Variants in LARP4B observed in about 807,000 individuals in gnomAD.
LARP4B encodes La ribonucleoprotein 4B.
LARP4B carries 12 observed loss-of-function variants against 89.8 expected under a neutral mutation model. That is an observed-to-expected ratio of 0.13 (90% CI 0.09 to 0.22). The LOEUF is 0.22. Among genes scored for constraint, LARP4B ranks in the 10% least tolerant of loss-of-function variants. LARP4B has a pLI of 1.00. For missense variants in LARP4B, 757 were observed against 947.7 expected, an observed-to-expected ratio of 0.80 and a Z score of 2.64; for synonymous variants, 367 against 363.3, an observed-to-expected ratio of 1.01 and a Z score of -0.12.
upstream of LARP4B, chr10:933,265 T>C (rs1935369207): frequency 6.6e-6 from 1 of 152,254 alleles, no homozygotes; most frequent in South Asian, 2.1e-4. Context: ...TGGTTAACCG[T>C]GTACCTGTGC....
intron 1 of LARP4B, among the ~76,000 whole-genome samples, chr10:925,723 A>G (rs2132059137): frequency 6.6e-6 from 1 of 152,178 alleles, no homozygotes; most frequent in African/African-American, 2.4e-5. Flanking sequence ...TAGTACAGAC[A>G]GGTTTTCACC....
upstream of LARP4B, among the ~76,000 whole-genome samples, chr10:932,074 T>G (rs907348566): frequency 5.4e-5 from 8 of 149,046 alleles, no homozygotes; most frequent in African/African-American, 2.0e-4. Context: ...TGGGCCCTGG[T>G]CCTCCGCCAC....
intron 1 of LARP4B, among the ~76,000 whole-genome samples, chr10:928,638 G>GTGGCA (rs1837220154): frequency 6.6e-6 from 1 of 152,206 alleles, no homozygotes; most frequent in East Asian, 1.9e-4. Context: ...ATGGAGTGCA[G>GTGGCA]TGGCAGGATC....
Position 814,797 on chromosome 10 carries a change from G to C in LARP4B, c.1874C>G (p.Pro625Arg), listed in dbSNP as rs1323741219. 1.2e-6 allele frequency: 2 copies of C among 1,605,868 alleles called. No homozygotes were observed. The highest frequency in any genetic ancestry group is 1.7e-6 in the Non-Finnish European group (2 of 1,174,462). ...ACACGCGGTCGCAGTGAGGGCGGAA[G>C]GAAGTCTGTCCACACTGTGGGTTTC... ...QRETHSVDRL[P>R]SALTATACKS... The change falls in exon 17 of 18, where the codon CCT becomes CGT. Residue 625 changes from proline to arginine, a missense_variant. Transcript: ENST00000316157. The surrounding 1 kb of genome is among the most constrained non-coding windows in gnomAD (Gnocchi z 4.4).
At chr10:897,017 T>A in intron 1 of LARP4B, among the ~76,000 whole-genome samples, 1 of 147,298 alleles carries the variant, frequency 6.8e-6, no homozygotes. Flanking sequence ...TTGGCAGAAA[T>A]TGCTGAGCTG....
intron 1 of LARP4B, among the ~76,000 whole-genome samples, chr10:913,091 G>A (rs1698408649): frequency 6.6e-6 from 1 of 152,080 alleles, no homozygotes; most frequent in African/African-American, 2.4e-5. Context: ...AAATAATAGT[G>A]TTTAGATCTA....
chr10:872,747 T>C (rs1272927290), intron 3 of LARP4B, among the ~76,000 whole-genome samples: 2 of 152,190 alleles, frequency 1.3e-5, no homozygotes, highest in Admixed American at 1.3e-4. Flanking sequence ...CCAACAACCT[T>C]GTCGGCTGCC....
chr10:913,711 C>T (rs1836738606), intron 1 of LARP4B, among the ~76,000 whole-genome samples: 1 of 152,166 alleles, frequency 6.6e-6, no homozygotes, highest in African/African-American at 2.4e-5. Context: ...GAGTTCGAGA[C>T]CAGCCAGGCC....
Position 815,006 on chromosome 10 carries a change from G to C in LARP4B, c.1760C>G (p.Pro587Arg), listed in dbSNP as rs147237603. 6.0e-5 allele frequency: 96 copies of C among 1,609,334 alleles called. No individual in the cohort carries two copies. The African/African-American group carries it at 1.2e-3, about 20-fold the overall frequency. Residue 587 changes from proline (P) to arginine (R), a missense_variant, in exon 16 of 18, where the codon CCG becomes CGG. By Grantham distance (103) the Pro-to-Arg change is moderately radical. Transcript: ENST00000316157. The part of the protein sequence containing the change: ...PVVVSREPSV[P>R]ASCAVSATYE... ...CGTTGCTGATACAGCACAAGAAGCC[G>C]GCACCGAGGGCTCTCTGGAGACCAC...
At chr10:956,313 G>A in the LARP4B span, among the ~76,000 whole-genome samples, 2 of 151,952 alleles carry the variant, frequency 1.3e-5, no homozygotes, top group Non-Finnish European at 2.9e-5. The surrounding 1 kb of genome is among the most constrained non-coding windows in gnomAD (Gnocchi z 4.3). Context: ...CGTCTAAGGG[G>A]TTCAAGCAGT....
At chr10:984,210 T>G in the LARP4B span, among the ~76,000 whole-genome samples, 1 of 152,216 alleles carries the variant, frequency 6.6e-6, no homozygotes, top group Non-Finnish European at 1.5e-5. Context: ...AGATGTCTGT[T>G]GCAACATGAA....
intron 1 of LARP4B, among the ~76,000 whole-genome samples, chr10:886,957 T>C (rs1835875150): frequency 6.6e-6 from 1 of 152,088 alleles, no homozygotes; most frequent in African/African-American, 2.4e-5. Flanking sequence ...GGTGTGGTGG[T>C]GCATGCCTGT....
At chr10:960,821 T>C in the LARP4B span, among the ~76,000 whole-genome samples, 13 of 151,864 alleles carry the variant, frequency 8.6e-5, no homozygotes, top group African/African-American at 1.2e-4. Context: ...CCTTAGAGCA[T>C]TGAGGACTCC....
At chr10:947,782 C>T in the LARP4B span, among the ~76,000 whole-genome samples, 1 of 151,892 alleles carries the variant, frequency 6.6e-6, no homozygotes, top group Non-Finnish European at 1.5e-5. Flanking sequence ...CCACCACGCC[C>T]GGCTCATGTT....
In LARP4B at chr10:811,449, G is replaced by A. The variant is rs568713885; in HGVS notation, c.*1477C>T. ...AGATCAACTGTTGAAGATCTTTAAG[G>A]TATATTACAAAAACTACTACTAGCT... On this transcript the variant is annotated 3_prime_UTR_variant, in exon 18 of 18. Transcript: ENST00000316157. The A allele has an allele frequency of 6.6e-6, 1 of 152,622 alleles. No homozygotes were observed. The highest frequency in any genetic ancestry group is 2.4e-5 in the African/African-American group (1 of 41,518). The allele number at this position is 152,622 out of a possible 1,614,324, so 9.5% of individuals were successfully genotyped here. A position where few individuals can be genotyped will look rare whatever the true frequency, so the allele number is the denominator to read the frequency against.
At chr10:946,995 G>A in the LARP4B span, among the ~76,000 whole-genome samples, 1,060 of 152,038 alleles carry the variant, frequency 7.0e-3, 15 homozygotes, top group African/African-American at 0.024. Flanking sequence ...TTAACCTCCC[G>A]AGTAGCTGGG....
rs144362516 is a variant in LARP4B, at chr10:907,204, AAC to A, written c.-39-21446_-39-21445del. On this transcript the variant is annotated intron_variant, in intron 1 of 17. Transcript: ENST00000316157. Reference sequence around the variant, plus strand: ...CTACCCTGTTCACTGTTGTATCCCTAACACAGTACCTAAACGAGTAAAATCTC... The same window carrying A: ...CTACCCTGTTCACTGTTGTATCCCTAACAGTACCTAAACGAGTAAAATCTC... 4.0e-3 allele frequency among the ~76,000 whole-genome samples: 609 copies of A among 152,330 alleles called. 4 individuals are homozygous for A. The highest frequency in any genetic ancestry group is 7.4e-3 in the Admixed American group (113 of 15,296).
intron 1 of LARP4B, among the ~76,000 whole-genome samples, chr10:904,966 T>C (rs1158329000): frequency 6.6e-6 from 1 of 152,242 alleles, no homozygotes; most frequent in African/African-American, 2.4e-5. Context: ...ACAGACCTCA[T>C]TTCACGCTAA....
chr10:816,622 GGCT>G (rs1283781511), intron 15 of LARP4B, among the ~76,000 whole-genome samples: 1 of 152,318 alleles, frequency 6.6e-6, no homozygotes, highest in East Asian at 1.9e-4. Flanking sequence ...AACGGGAGTA[GGCT>G]ACAGTTGGAA....
Sources: gnomAD v4.1 joint callset for allele counts (sites outside exome capture counted in the v4.1 genomes callset) on GRCh38, gnomAD v4.1.1 for gene constraint, Gnocchi (gnomAD v3.1) non-coding constraint, MANE v1.5 for transcripts, NCBI Gene and HGNC (gene_info 2026-07-23, HGNC 2026-07-21) for gene names.